CRYGN: variants seen among roughly 807,000 people sequenced by gnomAD.
CRYGN encodes gamma-crystallin N.
Under a neutral mutation model 19.2 loss-of-function variants are expected in CRYGN, and 17 were observed. That is an observed-to-expected ratio of 0.89 (90% CI 0.61 to 1.33). The LOEUF (loss-of-function observed/expected upper bound fraction) is 1.33, where lower values mean the gene tolerates loss of function less well. CRYGN is among the 40% of genes most tolerant of loss of function. The probability of loss-of-function intolerance (pLI) is 0.00; values close to 1 mark genes in which losing one functional copy is unlikely to be tolerated. For synonymous variants in CRYGN, 84 were observed against 85.8 expected (o/e 0.98, Z 0.12); for missense variants, 239 against 239.6 (o/e 1.00, Z 0.02).
At position 151,430,205 on chromosome 7, in the gene CRYGN, T is replaced by G. The variant is rs762908472; in HGVS notation, c.417-25A>C. 3 of 1,612,712 alleles carry G rather than the reference T, an allele frequency of 1.9e-6. No homozygotes were observed. The highest frequency in any genetic ancestry group is 3.3e-5 in the Admixed American group (2 of 59,978). ...TCTGTGGTTTGCAGGTGAAAGGAGG[T>G]GGGGCCAGGGCATTAGGGGTACAGA... On this transcript the variant is annotated intron_variant, in intron 3 of 3. Transcript: ENST00000337323. The surrounding 1 kb of genome is among the most constrained non-coding windows in gnomAD (Gnocchi z 5.2).
upstream of CRYGN, chr7:151,440,376 C>G (rs1394157102): frequency 5.5e-6 from 1 of 180,220 alleles, no homozygotes; most frequent in Non-Finnish European, 1.2e-5. Flanking sequence ...TTGGTGCCAA[C>G]TTGTTTGTCT....
chr7:151,435,115 C>T lies in CRYGN; in HGVS notation c.416+1065G>A, dbSNP rs1412405393. ...CCCAGTCTCTGTCTCCCTGCAGTCC[C>T]TCTGCCCCCTGCATCCCCTCCGAAG... is the stretch of plus-strand genomic sequence containing the variant. On this transcript the variant is annotated intron_variant, in intron 3 of 3. Transcript: ENST00000337323. This position sits in a 1 kb window ranked among gnomAD's most constrained non-coding sequence, Gnocchi z 4.2. 1.3e-5 allele frequency among the ~76,000 whole-genome samples: 2 copies of T among 152,262 alleles called. No homozygotes were observed. Among genetic ancestry groups the T allele is most frequent in the Non-Finnish European group, 1.5e-5 (1 of 68,054 alleles).
upstream of CRYGN, chr7:151,440,220 G>T: frequency 1.5e-6 from 1 of 658,646 alleles, no homozygotes; most frequent in Non-Finnish European, 2.3e-6. Flanking sequence ...GTGGTGGGGG[G>T]AGGAGGGGAG....
rs1480029149 is a variant in CRYGN at position 151,429,495 on chromosome 7, T to G, written c.*553A>C. The G allele has an allele frequency of 6.1e-6, 1 of 163,088 alleles. No individual in the cohort carries two copies. The highest frequency in any genetic ancestry group is 1.4e-5 in the Non-Finnish European group (1 of 73,528). 10.1% of individuals were successfully genotyped at this position (163,088 alleles called of 1,614,324 possible). A position where few individuals can be genotyped will look rare whatever the true frequency, so the allele number is the denominator to read the frequency against. On this transcript the variant is annotated 3_prime_UTR_variant, in exon 4 of 4. Transcript: ENST00000337323. Reference sequence around the variant, plus strand: ...GCCAAATTCATGACAAAAATATATCTAAATATGCAAATGTGTGGTGCTCTA... The same window carrying G: ...GCCAAATTCATGACAAAAATATATCGAAATATGCAAATGTGTGGTGCTCTA...
In CRYGN at chr7:151,438,221, G is replaced by A; in HGVS notation, c.45C>T (p.His15=). 6.2e-7 allele frequency: 1 copy of A among 1,613,022 alleles called. No individual in the cohort carries two copies. Among genetic ancestry groups the A allele is most frequent in the Non-Finnish European group, 8.5e-7 (1 of 1,179,658 alleles). Residue 15 remains histidine, a synonymous_variant, in exon 2 of 4, where the codon CAC becomes CAT. Coordinates refer to ENST00000337323, the MANE Select transcript of CRYGN (RefSeq NM_144727.3). ...SGKITLYEGK[H]FTGQKLEVFG... ...AGACCTCCAGCTTCTGCCCTGTGAA[G>A]TGCTTGCCTTCATAGAGAGTGATCT... is the stretch of plus-strand genomic sequence containing the variant.
chr7:151,437,260 G>A (rs1801635301), intron 2 of CRYGN, among the ~76,000 whole-genome samples: 1 of 152,174 alleles, frequency 6.6e-6, no homozygotes, highest in African/African-American at 2.4e-5. Flanking sequence ...CGTCGGGGGA[G>A]GGTCCTCAGC....
intron 3 of CRYGN, among the ~76,000 whole-genome samples, chr7:151,434,644 G>C (rs2150907248): frequency 6.6e-6 from 1 of 152,286 alleles, no homozygotes; most frequent in Admixed American, 6.5e-5. Context: ...TCAAGTTCCT[G>C]ATATAAAATG....
In CRYGN at chr7:151,429,154, T is replaced by C. The variant is rs1381512362; in HGVS notation, c.*894A>G. On this transcript the variant is annotated 3_prime_UTR_variant, in exon 4 of 4. Coordinates refer to ENST00000337323, the MANE Select transcript of CRYGN (RefSeq NM_144727.3). Reference sequence around the variant, plus strand: ...ATTAATTGCCTATGAGGGGGCGGAATGATTACCACTGCTGTACGTCTGAAG... The same window carrying C: ...ATTAATTGCCTATGAGGGGGCGGAACGATTACCACTGCTGTACGTCTGAAG... 1.3e-5 allele frequency: 2 copies of C among 152,532 alleles called. No homozygotes were observed. Among genetic ancestry groups the C allele is most frequent in the Non-Finnish European group, 2.9e-5 (2 of 68,056 alleles). 9.4% of individuals were successfully genotyped at this position (152,532 alleles called of 1,614,324 possible). A position where few individuals can be genotyped will look rare whatever the true frequency, so the allele number is the denominator to read the frequency against.
Position 151,439,986 on chromosome 7 carries a change from C to T in CRYGN, c.-69G>A, listed in dbSNP as rs745387478. 1.4e-6 allele frequency: 2 copies of T among 1,446,934 alleles called. No individual in the cohort carries two copies. The highest frequency in any genetic ancestry group is 1.8e-6 in the Non-Finnish European group (2 of 1,096,170). 89.6% of individuals were successfully genotyped at this position (1,446,934 alleles called of 1,614,324 possible). On this transcript the variant is annotated 5_prime_UTR_variant, in exon 1 of 4. Coordinates refer to ENST00000337323, the MANE Select transcript of CRYGN (RefSeq NM_144727.3). ...GCGCCCTGCTGGCTCAGCGCCGCCC[C>T]GGACAAAAGATTTGCTGGGCCGGCC... is the stretch of plus-strand genomic sequence containing the variant.
intron 2 of CRYGN, chr7:151,437,711 C>T (rs576175915): frequency 2.1e-6 from 2 of 934,470 alleles, no homozygotes; most frequent in Non-Finnish European, 3.1e-6. Context: ...ATGATTTCAA[C>T]AGCATTTTAA....
chr7:151,432,464 G>C (rs1483528675), intron 3 of CRYGN, among the ~76,000 whole-genome samples: 1 of 152,200 alleles, frequency 6.6e-6, no homozygotes. Context: ...CCATGCTGGG[G>C]TGTGACATGT....
Position 151,430,249 on chromosome 7 carries a change from C to T in CRYGN, c.417-69G>A. 6.7e-7 allele frequency: 1 copy of T among 1,484,080 alleles called. No homozygotes were observed. Among genetic ancestry groups the T allele is most frequent in the Non-Finnish European group, 9.3e-7 (1 of 1,074,036 alleles). 91.9% of individuals were successfully genotyped at this position (1,484,080 alleles called of 1,614,324 possible). On this transcript the variant is annotated intron_variant, in intron 3 of 3. Coordinates refer to ENST00000337323, the MANE Select transcript of CRYGN (RefSeq NM_144727.3). The surrounding 1 kb of genome is among the most constrained non-coding windows in gnomAD (Gnocchi z 5.2). ...GTACAGAGCAGGCCTTTTGGGGACC[C>T]ATCTACCACATGGCAGCAGGGAGCC...
In CRYGN at chr7:151,433,318, G is replaced by A. The variant is rs78162485; in HGVS notation, c.416+2862C>T. On this transcript the variant is annotated intron_variant, in intron 3 of 3. Transcript: ENST00000337323. The surrounding 1 kb of genome is among the most constrained non-coding windows in gnomAD (Gnocchi z 5.1). ...GGAGGGAACGGGGGACCAGGAGGAA[G>A]GGACTGGAGGTCCAGGATAGTGGCC... Among the ~76,000 whole-genome samples the A allele has an allele frequency of 7.1e-3, 1,075 of 152,378 alleles. 9 individuals carry two copies. The highest frequency in any genetic ancestry group is 0.024 in the African/African-American group (1,001 of 41,594).
At chr7:151,432,346 A>C in intron 3 of CRYGN, 4 of 1,015,790 alleles carry the variant, frequency 3.9e-6, no homozygotes, top group Non-Finnish European at 5.1e-6. Flanking sequence ...CTCCGGAGAG[A>C]AAAGCCTGCA....
chr7:151,434,242 C>A (rs1229581788), intron 3 of CRYGN, among the ~76,000 whole-genome samples: 1 of 152,130 alleles, frequency 6.6e-6, no homozygotes, highest in Non-Finnish European at 1.5e-5. Flanking sequence ...GGATTGTGTG[C>A]CCCTCAGTCA....
rs779133532 is a variant in CRYGN at position 151,436,567 on chromosome 7, A to G, written c.271-242T>C. Among the ~76,000 whole-genome samples the G allele has an allele frequency of 6.6e-6, 1 of 152,224 alleles. No homozygotes were observed. The highest frequency in any genetic ancestry group is 1.9e-4 in the East Asian group (1 of 5,168). Reference sequence around the variant, plus strand: ...GCTGGTCCAAGCTCCTCTTTCTACAACTAGAAAATCTGAGGTCCAAAGAGG... The same window carrying G: ...GCTGGTCCAAGCTCCTCTTTCTACAGCTAGAAAATCTGAGGTCCAAAGAGG... On this transcript the variant is annotated intron_variant, in intron 2 of 3. Coordinates refer to ENST00000337323, the MANE Select transcript of CRYGN (RefSeq NM_144727.3). This position sits in a 1 kb window ranked among gnomAD's most constrained non-coding sequence, Gnocchi z 5.1.
chr7:151,436,555 C>T lies in CRYGN; in HGVS notation c.271-230G>A, dbSNP rs1801613651. ...CCAAGCCACTGAGCTGGTCCAAGCTCCTCTTTCTACAACTAGAAAATCTGA... is the reference window on the plus strand; with the variant it reads ...CCAAGCCACTGAGCTGGTCCAAGCTTCTCTTTCTACAACTAGAAAATCTGA... On this transcript the variant is annotated intron_variant, in intron 2 of 3. Transcript: ENST00000337323. The surrounding 1 kb of genome is among the most constrained non-coding windows in gnomAD (Gnocchi z 5.1). 6.6e-6 allele frequency among the ~76,000 whole-genome samples: 1 copy of T among 152,156 alleles called. No individual in the cohort carries two copies. Among genetic ancestry groups the T allele is most frequent in the African/African-American group, 2.4e-5 (1 of 41,428 alleles).
intron 2 of CRYGN, chr7:151,437,764 G>T: frequency 1.5e-6 from 2 of 1,326,792 alleles, no homozygotes; most frequent in Admixed American, 2.9e-5. Flanking sequence ...ACTTAAAGTG[G>T]TTTATTGATA....
chr7:151,430,118 T>C lies in CRYGN; in HGVS notation c.479A>G (p.Asp160Gly). The change falls in exon 4 of 4, where the codon GAT becomes GGT. Residue 160 changes from aspartate (D) to glycine (G), a missense_variant. Physicochemically the swap from Asp to Gly is moderately conservative, Grantham distance 94. Coordinates refer to ENST00000337323, the MANE Select transcript of CRYGN (RefSeq NM_144727.3). The surrounding 1 kb of genome is among the most constrained non-coding windows in gnomAD (Gnocchi z 5.2). Reference protein sequence around the residue: ...DFQLSSSLQSDQGPEEATTKP... With the variant: ...DFQLSSSLQSGQGPEEATTKP... The stretch of plus-strand genomic sequence containing the variant: ...TGTGGTGGCCTCTTCCGGTCCTTGA[T>C]CTGATTGAAGAGAGCTGCTCAGCTG... The C allele has an allele frequency of 6.2e-7, 1 of 1,605,276 alleles. No individual in the cohort carries two copies. The highest frequency in any genetic ancestry group is 8.5e-7 in the Non-Finnish European group (1 of 1,171,962).
Sources: gnomAD v4.1 joint callset for allele counts (sites outside exome capture counted in the v4.1 genomes callset) on GRCh38, gnomAD v4.1.1 for gene constraint, Gnocchi (gnomAD v3.1) non-coding constraint, MANE v1.5 for transcripts, NCBI Gene and HGNC (gene_info 2026-07-23, HGNC 2026-07-21) for gene names.